Variants in DYNAP observed in about 807,000 individuals in gnomAD.
DYNAP encodes the protein dynactin-associated protein.
In DYNAP, 7 loss-of-function variants were observed where a neutral mutation model predicts 8.5. The ratio of observed to expected loss-of-function variants is 0.82; its 90% CI spans 0.47 to 1.54. The LOEUF is 1.54. Among genes scored for constraint, DYNAP ranks in the 40% most tolerant of loss-of-function variants. The pLI, the probability that DYNAP is intolerant of heterozygous loss-of-function variation, is 0.01. For synonymous variants in DYNAP, 77 were observed against 77.9 expected (o/e 0.99, Z 0.06); for missense variants, 256 against 224.3 (o/e 1.14, Z -0.90).
intron 2 of DYNAP, among the ~76,000 whole-genome samples, chr18:54,596,239 A>AT (rs1302958072): frequency 6.6e-6 from 1 of 151,692 alleles, no homozygotes; most frequent in Non-Finnish European, 1.5e-5. Flanking sequence ...TGCCTGGCTA[A>AT]TTTTTTAATT....
chr18:54,582,648 C>T, the DYNAP span, among the ~76,000 whole-genome samples: 5 of 152,206 alleles, frequency 3.3e-5, no homozygotes, highest in Non-Finnish European at 5.9e-5. Flanking sequence ...GTCTACTTGG[C>T]ACATGTTCTG....
At chr18:54,580,832 T>G in the DYNAP span, among the ~76,000 whole-genome samples, 1 of 152,346 alleles carries the variant, frequency 6.6e-6, no homozygotes, top group East Asian at 1.9e-4. Context: ...TCTTTTATAC[T>G]TAACAGATCT....
At chr18:54,591,924 T>A (rs368323136) in intron 1 of DYNAP, among the ~76,000 whole-genome samples, 2 of 152,176 alleles carry the variant, frequency 1.3e-5, no homozygotes, top group Non-Finnish European at 2.9e-5. Context: ...ATTTTATGTA[T>A]CTATTTATAT....
At chr18:54,576,676 A>G in the DYNAP span, among the ~76,000 whole-genome samples, 1 of 151,832 alleles carries the variant, frequency 6.6e-6, no homozygotes, top group Non-Finnish European at 1.5e-5. Context: ...GGTGGTGCAC[A>G]CCTGCGGTGT....
upstream of DYNAP, chr18:54,587,746 T>C: frequency 5.0e-6 from 2 of 398,990 alleles, no homozygotes; most frequent in South Asian, 1.3e-4. Flanking sequence ...TTATTTTGGG[T>C]CTCTCCATAT....
the DYNAP span, among the ~76,000 whole-genome samples, chr18:54,577,016 G>T: frequency 4.6e-5 from 7 of 152,038 alleles, no homozygotes; most frequent in Non-Finnish European, 8.8e-5. Context: ...GAGTATCTTT[G>T]GATGTATATG....
the DYNAP span, among the ~76,000 whole-genome samples, chr18:54,575,836 C>T: frequency 6.6e-6 from 1 of 152,068 alleles, no homozygotes; most frequent in South Asian, 2.1e-4. Context: ...TGCACACACA[C>T]GTGCCCGTCA....
upstream of DYNAP, among the ~76,000 whole-genome samples, chr18:54,587,348 T>G (rs1006166668): frequency 7.9e-5 from 12 of 152,122 alleles, no homozygotes; most frequent in African/African-American, 2.4e-4. Context: ...GCCCAGGAGT[T>G]CATGTCCAGC....
At chr18:54,588,269 G>T (rs909756796), upstream of DYNAP, among the ~76,000 whole-genome samples, 9 of 150,358 alleles carry the variant, frequency 6.0e-5, no homozygotes, top group African/African-American at 2.2e-4. Flanking sequence ...TGTGATAGCA[G>T]ATCTCGGCTC....
chr18:54,587,625 C>A (rs1910925217), upstream of DYNAP: 8 of 362,412 alleles, frequency 2.2e-5, no homozygotes, highest in Non-Finnish European at 3.9e-5. Flanking sequence ...ATTTTTACTG[C>A]CAAATAAATT....
the DYNAP span, among the ~76,000 whole-genome samples, chr18:54,578,324 G>A: frequency 6.6e-6 from 1 of 152,200 alleles, no homozygotes; most frequent in Non-Finnish European, 1.5e-5. Context: ...CTTAGGGGCA[G>A]GATTGGTTTT....
upstream of DYNAP, among the ~76,000 whole-genome samples, chr18:54,589,940 G>T (rs554521158): frequency 7.1e-4 from 108 of 152,172 alleles, 1 homozygote; most frequent in African/African-American, 2.2e-3. Flanking sequence ...ATGGCTGTTT[G>T]CTTTGCTTCA....
At position 54,594,993 on chromosome 18, in the gene DYNAP, C is replaced by A; in HGVS notation, c.112C>A (p.Pro38Thr). 6.2e-7 allele frequency: 1 copy of A among 1,612,706 alleles called. No homozygotes were observed. Among genetic ancestry groups the A allele is most frequent in the Non-Finnish European group, 8.5e-7 (1 of 1,179,148 alleles). ...EAHSSICWCL[P>T]SNDITSDVSP... Reference sequence around the variant, plus strand: ...TCACAGTTCCATATGCTGGTGTCTACCTTCAAATGATATAACCAGTGATGT... The same window carrying A: ...TCACAGTTCCATATGCTGGTGTCTAACTTCAAATGATATAACCAGTGATGT... The change falls in exon 2 of 3, where the codon CCT (proline) becomes ACT (threonine). Residue 38 changes from proline (P) to threonine (T), a missense_variant. By Grantham distance (38) the Pro-to-Thr change is conservative. Transcript: ENST00000648945.
At chr18:54,588,549 A>T (rs1160628976), upstream of DYNAP, among the ~76,000 whole-genome samples, 2 of 152,162 alleles carry the variant, frequency 1.3e-5, no homozygotes, top group Non-Finnish European at 2.9e-5. Context: ...TTGTCAGTAT[A>T]ACCATATTTA....
chr18:54,577,770 C>T, the DYNAP span, among the ~76,000 whole-genome samples: 5 of 151,632 alleles, frequency 3.3e-5, no homozygotes. Context: ...AAGTTCGAGA[C>T]CAGCTGGCCA....
chr18:54,579,396 T>A, the DYNAP span, among the ~76,000 whole-genome samples: 1 of 152,220 alleles, frequency 6.6e-6, no homozygotes, highest in Non-Finnish European at 1.5e-5. Flanking sequence ...AATTCTGTTA[T>A]CTTTGAAAAC....
chr18:54,597,997 C>G lies in DYNAP; in HGVS notation c.407C>G (p.Pro136Arg). Residue 136 changes from proline to arginine, a missense_variant, in exon 3 of 3, where the codon CCT (proline) becomes CGT (arginine). Physicochemically the swap from Pro to Arg is moderately radical, Grantham distance 103. Coordinates refer to ENST00000648945, the MANE Select transcript of DYNAP (RefSeq NM_173629.3). ...TNDGECVTVKPGTPSPACPPT... is the reference protein window; with the variant it reads ...TNDGECVTVKRGTPSPACPPT... ...GATGGAGAGTGTGTGACTGTCAAAC[C>G]TGGAACACCCTCTCCTGCTTGTCCA... is the stretch of plus-strand genomic sequence containing the variant. 6.2e-7 allele frequency: 1 copy of G among 1,613,478 alleles called. No homozygotes were observed. The highest frequency in any genetic ancestry group is 8.5e-7 in the Non-Finnish European group (1 of 1,179,772).
In DYNAP at chr18:54,598,151, A is replaced by G. The variant is rs754976493; in HGVS notation, c.*6A>G. On this transcript the variant is annotated 3_prime_UTR_variant, in exon 3 of 3. Coordinates refer to ENST00000648945, the MANE Select transcript of DYNAP (RefSeq NM_173629.3). ...CACCTACCGATCATTTATAATTTGA[A>G]CAGCCATAGCCATCACTTCAACTGA... 5 of 1,598,986 alleles carry G rather than the reference A, an allele frequency of 3.1e-6. No individual in the cohort carries two copies. The South Asian group carries it at 5.7e-5, about 18-fold the overall frequency.
At chr18:54,582,121 C>T in the DYNAP span, among the ~76,000 whole-genome samples, 2 of 152,090 alleles carry the variant, frequency 1.3e-5, no homozygotes, top group Non-Finnish European at 2.9e-5. Context: ...CCCGTCTCTA[C>T]TAAAAATACA....
Sources: gnomAD v4.1 joint callset for allele counts (sites outside exome capture counted in the v4.1 genomes callset) on GRCh38, gnomAD v4.1.1 for gene constraint, MANE v1.5 for transcripts, NCBI Gene and HGNC (gene_info 2026-07-23, HGNC 2026-07-21) for gene names.